The following GBF1 variants were observed in gnomAD, a reference collection of about 807,000 sequenced individuals.
GBF1 encodes the protein Golgi-specific brefeldin A-resistance guanine nucleotide exchange factor 1.
A neutral mutation model predicts 210.5 loss-of-function variants in GBF1; 114 were observed. The observed-to-expected ratio is 0.54, with a 90% CI of 0.47 to 0.63. The LOEUF (loss-of-function observed/expected upper bound fraction) is 0.63, where lower values mean the gene tolerates loss of function less well. Ranked by LOEUF, GBF1 falls within the 30% of genes least tolerant of loss-of-function variation. The pLI is 0.00. For synonymous variants in GBF1, 850 were observed against 889.2 expected, an observed-to-expected ratio of 0.96 and a Z score of 0.78; for missense variants, 1,851 against 2,357.7, an observed-to-expected ratio of 0.79 and a Z score of 4.45.
chr10:102,331,703 CAG>C (rs2057343420), intron 3 of GBF1, among the ~76,000 whole-genome samples: 1 of 151,994 alleles, frequency 6.6e-6, no homozygotes, highest in African/African-American at 2.4e-5. Flanking sequence ...TCTTTTGAGA[CAG>C]GGCCTCACTC....
At chr10:102,351,395 A>G (rs2058962849) in intron 5 of GBF1, 21 bp downstream of exon 5, 1 of 1,220,412 alleles carries the variant, frequency 8.2e-7, no homozygotes, top group South Asian at 1.2e-5. Flanking sequence ...GGGAAATAGC[A>G]ATTAGGCTAA....
At chr10:102,298,699 T>C (rs1482043324) in intron 3 of GBF1, among the ~76,000 whole-genome samples, 3 of 152,194 alleles carry the variant, frequency 2.0e-5, no homozygotes, top group African/African-American at 7.2e-5. Context: ...TTATCCCCAT[T>C]GTATAGAAGA....
At chr10:102,306,254 T>C (rs965546086) in intron 3 of GBF1, among the ~76,000 whole-genome samples, 6 of 152,194 alleles carry the variant, frequency 3.9e-5, no homozygotes, top group Non-Finnish European at 8.8e-5. Flanking sequence ...AATTCTGTTA[T>C]TCCCCTTAAT....
chr10:102,334,118 A>G (rs1420098228), intron 3 of GBF1, among the ~76,000 whole-genome samples: 2 of 152,252 alleles, frequency 1.3e-5, no homozygotes, highest in African/African-American at 4.8e-5. Flanking sequence ...AAGAACATGC[A>G]TGGGAGCAGG....
intron 1 of GBF1, among the ~76,000 whole-genome samples, chr10:102,256,363 C>T (rs1405459081): frequency 6.6e-6 from 1 of 152,004 alleles, no homozygotes; most frequent in East Asian, 1.9e-4. Context: ...TTGCTAGGTA[C>T]ATTTCTTTCT....
intron 3 of GBF1, among the ~76,000 whole-genome samples, chr10:102,271,925 G>A (rs2074470310): frequency 1.3e-5 from 2 of 151,370 alleles, no homozygotes; most frequent in South Asian, 4.2e-4. Flanking sequence ...CCAATTTTTT[G>A]TATTCTTTGT....
intron 3 of GBF1, 90 bp from the exon 4 acceptor site, chr10:102,343,961 C>A: frequency 9.8e-7 from 1 of 1,016,886 alleles, no homozygotes; most frequent in Non-Finnish European, 1.5e-6. Context: ...CAACAAAGAC[C>A]TCTAGCCTCA....
chr10:102,372,313 C>T (rs565720210), intron 29 of GBF1, among the ~76,000 whole-genome samples: 10 of 151,816 alleles, frequency 6.6e-5, no homozygotes, highest in African/African-American at 9.7e-5. Context: ...GTTGGGAGTT[C>T]GAGACCAGCC....
intron 12 of GBF1, 53 bp from the exon 13 acceptor site, chr10:102,360,969 C>G (rs1469691472): frequency 2.2e-6 from 2 of 900,946 alleles, no homozygotes; most frequent in Non-Finnish European, 3.6e-6. Flanking sequence ...AGTGAAACTC[C>G]GCCTCAAAAA....
intron 8 of GBF1, among the ~76,000 whole-genome samples, chr10:102,356,215 A>T (rs1024664610): frequency 2.0e-5 from 3 of 152,156 alleles, no homozygotes; most frequent in African/African-American, 7.2e-5. Context: ...GAGCTTGAGG[A>T]AGGGAGTCAA....
chr10:102,358,413 A>C (rs1364658062), intron 9 of GBF1, 93 bp from the exon 10 acceptor site: 1 of 905,508 alleles, frequency 1.1e-6, no homozygotes, highest in African/African-American at 1.7e-5. Flanking sequence ...ATAAGCATGT[A>C]ATCTGGGAAA....
rs1404742788 is a variant in GBF1, at chr10:102,351,347, T to C, written c.387T>C (p.Asp129=). ...TTGTGGGCACGGATCCTGCCAGTGA[T>C]GAAGTTGTCCTGATGAAAATCCTTC... ...ARFVGTDPAS[D]EVVLMKILQV... Residue 129 remains aspartate (D), a synonymous_variant, in exon 5 of 40, where the codon GAT becomes GAC. Coordinates refer to ENST00000369983, the MANE Select transcript of GBF1 (RefSeq NM_001377137.1). The C allele has an allele frequency of 1.2e-6, 2 of 1,601,638 alleles. No homozygotes were observed. The highest frequency in any genetic ancestry group is 1.7e-6 in the Non-Finnish European group (2 of 1,168,582).
chr10:102,261,746 C>T (rs1365965094), intron 3 of GBF1, among the ~76,000 whole-genome samples: 1 of 151,402 alleles, frequency 6.6e-6, no homozygotes, highest in Non-Finnish European at 1.5e-5. Flanking sequence ...CTCAGCCTCC[C>T]AAGTAGCTGG....
In GBF1 at chr10:102,358,112, G is replaced by T; in HGVS notation, c.713G>T (p.Arg238Leu). 1 of 1,611,344 alleles carries T rather than the reference G, an allele frequency of 6.2e-7. No individual in the cohort carries two copies. The highest frequency in any genetic ancestry group is 8.5e-7 in the Non-Finnish European group (1 of 1,177,522). Residue 238 changes from arginine to leucine, a missense_variant, in exon 9 of 40, where the codon CGC (arginine) becomes CTC (leucine). This residue lies in a region of GBF1 where 804 missense variants were observed against 958.6 expected (regional missense o/e 0.84). Transcript: ENST00000369983. ...CAGAAGAGATCCCCTCGGCCCCCAC[G>T]CCATATGACCAAAGTCACACCAGGT... Reference protein sequence around the residue: ...KKQKRSPRPPRHMTKVTPGSE... With the variant: ...KKQKRSPRPPLHMTKVTPGSE...
In GBF1 at chr10:102,361,030, C is replaced by T. The variant is rs1374436823; in HGVS notation, c.1401C>T (p.Ser467=). The change falls in exon 13 of 40, where the codon AGC becomes AGT. Residue 467 remains serine, a synonymous_variant. Coordinates refer to ENST00000369983, the MANE Select transcript of GBF1 (RefSeq NM_001377137.1). The part of the protein sequence containing the change: ...EMCRHLFQLL[S]IERLNLYAAS... ...CCTGCTCTCATCTCCAGCTACTCAG[C>T]ATAGAGCGACTAAACCTTTATGCTG... The T allele has an allele frequency of 6.4e-7, 1 of 1,554,948 alleles. No individual in the cohort carries two copies. The highest frequency in any genetic ancestry group is 2.2e-5 in the East Asian group (1 of 44,582).
intron 1 of GBF1, among the ~76,000 whole-genome samples, chr10:102,258,542 C>A (rs866285693): frequency 4.1e-5 from 6 of 148,012 alleles, no homozygotes; most frequent in Non-Finnish European, 8.9e-5. Flanking sequence ...GAGGCCCAGG[C>A]GGGTGGATTA....
At chr10:102,310,827 A>G (rs1037852700) in intron 3 of GBF1, among the ~76,000 whole-genome samples, 4 of 152,270 alleles carry the variant, frequency 2.6e-5, no homozygotes, top group Admixed American at 2.0e-4. Flanking sequence ...GTGGAAAATT[A>G]AAACAAAGCA....
chr10:102,344,108 C>T lies in GBF1; in HGVS notation c.221C>T (p.Ser74Phe), dbSNP rs755670253. Reference sequence around the variant, plus strand: ...CGACCTTTTCTGGAAGTGATTCGCTCTGAAGATACCACTGGCCCTATCACT... The same window carrying T: ...CGACCTTTTCTGGAAGTGATTCGCTTTGAAGATACCACTGGCCCTATCACT... ...FLRPFLEVIRSEDTTGPITGL... is the reference protein window; with the variant it reads ...FLRPFLEVIRFEDTTGPITGL... Residue 74 changes from serine (S) to phenylalanine (F), a missense_variant, in exon 4 of 40, where the codon TCT becomes TTT. By Grantham distance (155) the Ser-to-Phe change is radical. Coordinates refer to ENST00000369983, the MANE Select transcript of GBF1 (RefSeq NM_001377137.1). The T allele has an allele frequency of 6.2e-7, 1 of 1,612,202 alleles. No individual in the cohort carries two copies. Among genetic ancestry groups the T allele is most frequent in the South Asian group, 1.1e-5 (1 of 91,050 alleles).
At chr10:102,324,732 G>T (rs1261592789) in intron 3 of GBF1, among the ~76,000 whole-genome samples, 1 of 151,958 alleles carries the variant, frequency 6.6e-6, no homozygotes, top group Non-Finnish European at 1.5e-5. Flanking sequence ...GATTACAGGC[G>T]CCCGCCACCA....
Sources: gnomAD v4.1 joint callset for allele counts (sites outside exome capture counted in the v4.1 genomes callset) on GRCh38, gnomAD v4.1.1 for gene constraint, gnomAD v4.1.1 regional missense constraint, MANE v1.5 for transcripts, NCBI Gene and HGNC (gene_info 2026-07-23, HGNC 2026-07-21) for gene names.